Variants in SIPA1L1 observed in about 807,000 individuals in gnomAD.
SIPA1L1 encodes the protein signal induced proliferation associated 1 like 1.
SIPA1L1 carries 26 observed loss-of-function variants against 162.7 expected under a neutral mutation model. The observed-to-expected ratio is 0.16, with a 90% confidence interval of 0.12 to 0.22. The LOEUF is 0.22. Among genes scored for constraint, SIPA1L1 ranks in the 10% least tolerant of loss-of-function variants. The probability of loss-of-function intolerance (pLI) is 1.00; values close to 1 mark genes in which losing one functional copy is unlikely to be tolerated. For synonymous variants in SIPA1L1, 829 were observed against 837.4 expected (o/e 0.99, Z 0.17); for missense variants, 1,874 against 2,241.0 (o/e 0.84, Z 3.31).
At chr14:71,721,133 T>C (rs1204995) in intron 17 of SIPA1L1, among the ~76,000 whole-genome samples, 107,133 of 152,174 alleles carry the variant, frequency 0.7, 39,786 homozygotes, top group East Asian at 0.95. Flanking sequence ...GTGATCTTAG[T>C]TTGTGGTCAC....
intron 7 of SIPA1L1, among the ~76,000 whole-genome samples, chr14:71,634,082 C>T (rs2040865627): frequency 6.6e-6 from 1 of 151,050 alleles, no homozygotes. Flanking sequence ...TTGAAAGAAG[C>T]AAAAGATAAA....
chr14:71,634,271 G>A (rs1422943098), intron 7 of SIPA1L1, among the ~76,000 whole-genome samples: 10 of 151,436 alleles, frequency 6.6e-5, no homozygotes, highest in Non-Finnish European at 1.0e-4. Context: ...GCATGGTGGC[G>A]GGCACCTGTA....
intron 19 of SIPA1L1, among the ~76,000 whole-genome samples, chr14:71,727,210 A>G (rs2084324410): frequency 6.6e-6 from 1 of 152,100 alleles, no homozygotes; most frequent in Non-Finnish European, 1.5e-5. Flanking sequence ...CAGTGCTCTC[A>G]GGTATATACC....
intron 2 of SIPA1L1, among the ~76,000 whole-genome samples, chr14:71,508,626 C>T (rs1259784836): frequency 6.6e-6 from 1 of 152,184 alleles, no homozygotes; most frequent in Admixed American, 6.5e-5. Flanking sequence ...ATTCACCTTG[C>T]ATACTTTTAT....
At chr14:71,395,914 C>A (rs1344019157) in intron 2 of SIPA1L1, among the ~76,000 whole-genome samples, 1 of 152,154 alleles carries the variant, frequency 6.6e-6, no homozygotes, top group African/African-American at 2.4e-5. Context: ...TTTCAGCCAC[C>A]GAGTAGTAAC....
At chr14:71,452,168 C>G (rs962953288) in intron 2 of SIPA1L1, among the ~76,000 whole-genome samples, 3 of 150,150 alleles carry the variant, frequency 2.0e-5, no homozygotes, top group East Asian at 1.9e-4. Context: ...TACAGGAAAC[C>G]CCCCCCTCAT....
At chr14:71,628,621 A>G (rs902499176) in intron 7 of SIPA1L1, among the ~76,000 whole-genome samples, 6 of 152,244 alleles carry the variant, frequency 3.9e-5, no homozygotes, top group African/African-American at 1.2e-4. Flanking sequence ...CATAGTCCTT[A>G]TCCATGAAGG....
chr14:71,602,500 T>C (rs2036892853), intron 5 of SIPA1L1, among the ~76,000 whole-genome samples: 1 of 152,232 alleles, frequency 6.6e-6, no homozygotes, highest in Non-Finnish European at 1.5e-5. Context: ...TGGAGAATGT[T>C]CTATGTGCTG....
chr14:71,587,964 C>A lies in SIPA1L1; in HGVS notation c.92C>A (p.Thr31Asn). 6.2e-7 allele frequency: 1 copy of A among 1,614,130 alleles called. No homozygotes were observed. The highest frequency in any genetic ancestry group is 8.5e-7 in the Non-Finnish European group (1 of 1,179,984). The change falls in exon 5 of 24, where the codon ACT (threonine) becomes AAT (asparagine). Residue 31 changes from threonine (T) to asparagine (N), a missense_variant. Around this residue, in one of 5 missense-constraint regions of SIPA1L1, gnomAD observed 685 missense variants for 828.0 expected, o/e 0.83. Coordinates refer to ENST00000381232, the MANE Select transcript of SIPA1L1 (RefSeq NM_001386936.1). ...VGTDGTPKVH[T>N]DDFYMRRFRS... ...ACAGACGGCACCCCCAAAGTCCACA[C>A]TGATGATTTCTACATGCGGCGCTTC...
intron 4 of SIPA1L1, among the ~76,000 whole-genome samples, chr14:71,544,217 G>A (rs11158908): frequency 1 from 150,843 of 151,158 alleles, 75,264 homozygotes; most frequent in East Asian, 1. Flanking sequence ...ACATGCATGT[G>A]TATATACATA....
chr14:71,347,077 G>A (rs1403979125), intron 2 of SIPA1L1, among the ~76,000 whole-genome samples: 2 of 150,406 alleles, frequency 1.3e-5, no homozygotes, highest in Non-Finnish European at 3.0e-5. Flanking sequence ...TCAGCCCCCC[G>A]AGTAGTTGGG....
intron 3 of SIPA1L1, among the ~76,000 whole-genome samples, chr14:71,522,600 T>G (rs2052464857): frequency 6.6e-6 from 1 of 152,184 alleles, no homozygotes; most frequent in Admixed American, 6.5e-5. Flanking sequence ...CATTTCGGAT[T>G]TCAGATTTTC....
intron 2 of SIPA1L1, among the ~76,000 whole-genome samples, chr14:71,449,251 C>T (rs2045636851): frequency 1.3e-5 from 2 of 152,282 alleles, no homozygotes; most frequent in Admixed American, 1.3e-4. Context: ...GACTACCTTT[C>T]AAGGAAGGAA....
chr14:71,722,542 C>T (rs989067365), intron 17 of SIPA1L1, among the ~76,000 whole-genome samples: 12 of 152,294 alleles, frequency 7.9e-5, no homozygotes, highest in African/African-American at 2.6e-4. Context: ...CTCAGAAAGG[C>T]TCAAATAGTG....
chr14:71,668,355 C>G (rs939807774), intron 10 of SIPA1L1, among the ~76,000 whole-genome samples: 4 of 152,112 alleles, frequency 2.6e-5, no homozygotes, highest in Admixed American at 2.0e-4. Context: ...AATCCTGGCT[C>G]TCTCTAACAA....
At chr14:71,724,596 C>A in intron 18 of SIPA1L1, 74 bp from the exon 19 acceptor site, 1 of 1,194,042 alleles carries the variant, frequency 8.4e-7, no homozygotes, top group East Asian at 2.4e-5. Context: ...TGACTTACAT[C>A]CTTTAGAGCC....
At chr14:71,671,761 C>G in intron 11 of SIPA1L1, 69 bp downstream of exon 11, 1 of 1,180,696 alleles carries the variant, frequency 8.5e-7, no homozygotes, top group Non-Finnish European at 1.2e-6. Context: ...AGACTAGAGC[C>G]AAGTTACTGA....
chr14:71,655,186 T>C (rs766905372), intron 8 of SIPA1L1, among the ~76,000 whole-genome samples: 10 of 152,154 alleles, frequency 6.6e-5, no homozygotes, highest in Non-Finnish European at 1.5e-4. Context: ...GTGTACCCAT[T>C]GTTTAGCTCC....
chr14:71,631,578 A>C (rs2040574823), intron 7 of SIPA1L1, among the ~76,000 whole-genome samples: 1 of 152,180 alleles, frequency 6.6e-6, no homozygotes, highest in Non-Finnish European at 1.5e-5. Flanking sequence ...TTTGTGAGAA[A>C]TTTTGCACAA....
Sources: allele counts gnomAD v4.1 joint callset (sites outside exome capture counted in the v4.1 genomes callset), GRCh38; gene constraint gnomAD v4.1.1; regional missense constraint gnomAD v4.1.1; transcripts MANE v1.5; gene names NCBI Gene and HGNC (gene_info 2026-07-23, HGNC 2026-07-21).